FAM120B: variants seen among roughly 807,000 people sequenced by gnomAD.
FAM120B encodes constitutive coactivator of peroxisome proliferator-activated receptor gamma.
A neutral mutation model predicts 96.3 loss-of-function variants in FAM120B; 83 were observed. The observed-to-expected ratio is 0.86, with a 90% CI of 0.72 to 1.03. The LOEUF (loss-of-function observed/expected upper bound fraction) is 1.03. Ranked by LOEUF, FAM120B falls within the 50% of genes least tolerant of loss-of-function variation. The pLI, the probability that FAM120B is intolerant of heterozygous loss-of-function variation, is 0.00. For missense variants in FAM120B, 1,027 were observed against 1,121.2 expected (o/e 0.92, Z 1.20); for synonymous variants, 407 against 402.7 (o/e 1.01, Z -0.13).
chr6:170,321,386 CAGTTG>C (rs1305814152), intron 2 of FAM120B, among the ~76,000 whole-genome samples: 1 of 152,100 alleles, frequency 6.6e-6, no homozygotes, highest in Non-Finnish European at 1.5e-5. Context: ...TTTGGAAGAT[CAGTTG>C]AGTTACTGTT....
chr6:170,384,498 C>T (rs934898641), intron 6 of FAM120B, among the ~76,000 whole-genome samples: 1 of 152,104 alleles, frequency 6.6e-6, no homozygotes, highest in African/African-American at 2.4e-5. Flanking sequence ...GAAACCAGTG[C>T]GCCTGCATCA....
chr6:170,343,701 C>G (rs189663353), intron 4 of FAM120B, among the ~76,000 whole-genome samples: 1 of 152,034 alleles, frequency 6.6e-6, no homozygotes, highest in Non-Finnish European at 1.5e-5. Flanking sequence ...ATTGCTGGGC[C>G]CTACCCCTAG....
intron 6 of FAM120B, among the ~76,000 whole-genome samples, chr6:170,386,787 G>A (rs1267757151): frequency 1.3e-5 from 2 of 152,134 alleles, no homozygotes; most frequent in African/African-American, 2.4e-5. Flanking sequence ...ATCTAACAAA[G>A]ACATCACAAG....
intron 1 of FAM120B, among the ~76,000 whole-genome samples, chr6:170,315,856 A>G (rs757132248): frequency 6.6e-6 from 1 of 151,382 alleles, no homozygotes; most frequent in Non-Finnish European, 1.5e-5. Context: ...CTGAGGCGAG[A>G]GGATCGCTTG....
At chr6:170,323,635 T>A (rs1182464295) in intron 3 of FAM120B, among the ~76,000 whole-genome samples, 5 of 152,158 alleles carry the variant, frequency 3.3e-5, no homozygotes, top group Non-Finnish European at 5.9e-5. Context: ...TACTTAGTCT[T>A]CCCTCAAAAT....
chr6:170,331,046 G>T (rs1225372341), intron 4 of FAM120B, among the ~76,000 whole-genome samples: 1 of 152,198 alleles, frequency 6.6e-6, no homozygotes, highest in Non-Finnish European at 1.5e-5. Flanking sequence ...TGGAAAAAAG[G>T]TTATATTTTC....
intron 6 of FAM120B, among the ~76,000 whole-genome samples, chr6:170,366,064 A>T (rs1788774426): frequency 6.6e-6 from 1 of 152,208 alleles, no homozygotes; most frequent in African/African-American, 2.4e-5. Context: ...ACGAAAAAAT[A>T]GATAAATAAG....
intron 7 of FAM120B, among the ~76,000 whole-genome samples, chr6:170,388,927 G>A (rs1790340151): frequency 6.6e-6 from 1 of 152,120 alleles, no homozygotes; most frequent in African/African-American, 2.4e-5. Flanking sequence ...TATTATATAT[G>A]TATTATATAC....
intron 4 of FAM120B, among the ~76,000 whole-genome samples, chr6:170,332,167 C>G (rs1786097380): frequency 6.6e-6 from 1 of 152,210 alleles, no homozygotes; most frequent in Admixed American, 6.5e-5. Flanking sequence ...ACAGCTGTTA[C>G]TCTAGAAATT....
At chr6:170,307,716 A>T (rs1243573485) in intron 1 of FAM120B, among the ~76,000 whole-genome samples, 3 of 152,194 alleles carry the variant, frequency 2.0e-5, no homozygotes, top group Non-Finnish European at 2.9e-5. Context: ...ATGTGATCAG[A>T]TCTTAGCGTT....
rs1211793832 is a variant in FAM120B at position 170,362,790 on chromosome 6, T to A, written c.2283+4472T>A. Among the ~76,000 whole-genome samples, 3 of 151,428 alleles carry A rather than the reference T, an allele frequency of 2.0e-5. No individual in the cohort carries two copies. In the East Asian group the frequency reaches 5.9e-4, roughly 30 times the overall value. On this transcript the variant is annotated intron_variant, in intron 6 of 10. Coordinates refer to ENST00000476287, the MANE Select transcript of FAM120B (RefSeq NM_032448.3). The stretch of plus-strand genomic sequence containing the variant: ...TCTGCCTCCCAGGCTCAAGCCATCC[T>A]CCCACCTCAGCCTTCCTAGTAGTTG...
Position 170,374,281 on chromosome 6 carries a change from A to G in FAM120B, c.2284-14006A>G, listed in dbSNP as rs1310219606. On this transcript the variant is annotated intron_variant, in intron 6 of 10. Coordinates refer to ENST00000476287, the MANE Select transcript of FAM120B (RefSeq NM_032448.3). ...GATCATATGTGTAATTCTTTGAGGTAGAGAAATAAAAGAGGTAAATTATAC... is the reference window on the plus strand; with the variant it reads ...GATCATATGTGTAATTCTTTGAGGTGGAGAAATAAAAGAGGTAAATTATAC... Among the ~76,000 whole-genome samples the G allele has an allele frequency of 2.6e-5, 4 of 152,192 alleles. No individual in the cohort carries two copies. The East Asian group carries it at 7.7e-4, about 29-fold the overall frequency.
At chr6:170,398,500 TAGG>T (rs1778333237) in intron 9 of FAM120B, among the ~76,000 whole-genome samples, 2 of 151,336 alleles carry the variant, frequency 1.3e-5, no homozygotes, top group South Asian at 2.1e-4. Context: ...TCATAACTCT[TAGG>T]AGTGAGTGGG....
intron 9 of FAM120B, among the ~76,000 whole-genome samples, chr6:170,397,934 A>G (rs1778270434): frequency 6.6e-6 from 1 of 151,914 alleles, no homozygotes; most frequent in Non-Finnish European, 1.5e-5. Flanking sequence ...CATGTCCCCT[A>G]CTCCTAGCCT....
chr6:170,385,377 AG>A (rs1562590543), intron 6 of FAM120B, among the ~76,000 whole-genome samples: 1 of 152,012 alleles, frequency 6.6e-6, no homozygotes, highest in Non-Finnish European at 1.5e-5. Context: ...TTTAAAAAAA[AG>A]GCTGAAAATC....
intron 4 of FAM120B, 34 bp downstream of exon 4, chr6:170,330,584 TC>T: frequency 1.4e-6 from 2 of 1,467,322 alleles, no homozygotes; most frequent in Non-Finnish European, 1.9e-6. Context: ...GAACCACAGA[TC>T]TTTCCATTCT....
intron 1 of FAM120B, among the ~76,000 whole-genome samples, chr6:170,308,942 A>G (rs1784442925): frequency 6.6e-6 from 1 of 152,262 alleles, no homozygotes; most frequent in East Asian, 1.9e-4. Flanking sequence ...CATGTTGGAC[A>G]GGATCTTTGT....
At chr6:170,397,957 G>C (rs1398169299) in intron 9 of FAM120B, among the ~76,000 whole-genome samples, 3 of 149,432 alleles carry the variant, frequency 2.0e-5, no homozygotes, top group African/African-American at 7.4e-5. Flanking sequence ...TGGTAAGAAA[G>C]GAGACCTTCT....
intron 4 of FAM120B, among the ~76,000 whole-genome samples, chr6:170,347,273 T>C (rs1481247335): frequency 6.6e-6 from 1 of 152,210 alleles, no homozygotes; most frequent in Non-Finnish European, 1.5e-5. Context: ...AGCCAAGTGG[T>C]CCTCACAGAA....
Sources: gnomAD v4.1 joint callset for allele counts (sites outside exome capture counted in the v4.1 genomes callset) on GRCh38, gnomAD v4.1.1 for gene constraint, MANE v1.5 for transcripts, NCBI Gene and HGNC (gene_info 2026-07-23, HGNC 2026-07-21) for gene names.